The following BRAF variants were observed in gnomAD, a reference collection of about 807,000 sequenced individuals.
BRAF encodes the protein serine/threonine-protein kinase B-raf.
BRAF carries 16 observed loss-of-function variants against 104.6 expected under a neutral mutation model. The ratio of observed to expected loss-of-function variants is 0.15; its 90% CI spans 0.10 to 0.23. The LOEUF (loss-of-function observed/expected upper bound fraction) is 0.23, where lower values mean the gene tolerates loss of function less well. Ranked by LOEUF, BRAF falls within the 10% of genes least tolerant of loss-of-function variation. BRAF has a pLI of 1.00. For missense variants in BRAF, 541 were observed against 937.3 expected (o/e 0.58, Z 5.52); for synonymous variants, 310 against 341.6 (o/e 0.91, Z 1.02).
At chr7:140,899,148 A>G (rs1032644369) in intron 1 of BRAF, among the ~76,000 whole-genome samples, 1 of 152,180 alleles carries the variant, frequency 6.6e-6, no homozygotes, top group African/African-American at 2.4e-5. Context: ...CTCTATGTCT[A>G]AAGCAATGGC....
chr7:140,764,063 A>T (rs1332737497), intron 14 of BRAF, among the ~76,000 whole-genome samples: 1 of 152,240 alleles, frequency 6.6e-6, no homozygotes, highest in Admixed American at 6.5e-5. Context: ...GTACTGGCAA[A>T]CCGAATCCAG....
chr7:140,809,698 GA>G (rs1804026019), intron 3 of BRAF, among the ~76,000 whole-genome samples: 1 of 152,178 alleles, frequency 6.6e-6, no homozygotes, highest in Admixed American at 6.5e-5. Flanking sequence ...CACTGACAGA[GA>G]AAAGTCCTTG....
At position 140,765,484 on chromosome 7, in the gene BRAF, A is replaced by G. The variant is rs1799215949; in HGVS notation, c.1815-11251T>C. Among the ~76,000 whole-genome samples, 3 of 152,340 alleles carry G rather than the reference A, an allele frequency of 2.0e-5. No homozygotes were observed. The South Asian group carries it at 6.2e-4, about 32-fold the overall frequency. Reference sequence around the variant, plus strand: ...TAAACTAAAGAGCTTCTGCACAGCAAAAGAAACTACCATCAGAGTGAACAG... The same window carrying G: ...TAAACTAAAGAGCTTCTGCACAGCAGAAGAAACTACCATCAGAGTGAACAG... On this transcript the variant is annotated intron_variant, in intron 14 of 19. Coordinates refer to ENST00000644969, the MANE Select transcript of BRAF (RefSeq NM_001374258.1).
intron 19 of BRAF, chr7:140,732,169 TCAAAAAAAAAAAAAAAAAAAAAA>T (rs1230199684): frequency 4.0e-4 from 2 of 5,042 alleles, no homozygotes; most frequent in African/African-American, 4.7e-4. Flanking sequence ...AGACTCTGTC[TCAAAAAAAAAAAAAAAAAAAAAA>T]AAAAAAAAAA....
chr7:140,891,427 AT>A (rs1366843203), intron 1 of BRAF, among the ~76,000 whole-genome samples: 1 of 152,216 alleles, frequency 6.6e-6, no homozygotes, highest in Non-Finnish European at 1.5e-5. Flanking sequence ...TCATCTTTAG[AT>A]TACTTATAAT....
Position 140,737,419 on chromosome 7 carries a change from T to C in BRAF, c.2247+2393A>G, listed in dbSNP as rs139227837. 3.4e-3 allele frequency among the ~76,000 whole-genome samples: 524 copies of C among 152,338 alleles called. 3 individuals are homozygous for C. The highest frequency in any genetic ancestry group is 0.012 in the African/African-American group (502 of 41,576). ...TGTCTTTGCATTTTACTGACTGCCA[T>C]GGAAATATTTACACCTTTTCCTAAG... On this transcript the variant is annotated intron_variant, in intron 18 of 19. Transcript: ENST00000644969.
At chr7:140,731,548 A>T (rs1795962825) in intron 19 of BRAF, 1 of 152,222 alleles carries the variant, frequency 6.6e-6, no homozygotes, top group African/African-American at 2.4e-5. Context: ...ACTAAGAGTG[A>T]CTCACTTGAG....
At chr7:140,830,437 T>C (rs1806600917) in intron 3 of BRAF, among the ~76,000 whole-genome samples, 1 of 152,206 alleles carries the variant, frequency 6.6e-6, no homozygotes, top group Non-Finnish European at 1.5e-5. Flanking sequence ...ACTCTTGTAA[T>C]TTCCTGAGTG....
intron 14 of BRAF, chr7:140,773,523 T>C (rs1382844764): frequency 6.6e-6 from 1 of 152,098 alleles, no homozygotes; most frequent in Non-Finnish European, 1.5e-5. Context: ...AATCCCCATG[T>C]TTTGGGAAAG....
Position 140,720,114 on chromosome 7 carries a change from GATGA to G in BRAF, c.*6376_*6379del. 2 of 1,060,880 alleles carry G rather than the reference GATGA, an allele frequency of 1.9e-6. No homozygotes were observed. Among genetic ancestry groups the G allele is most frequent in the Non-Finnish European group, 2.3e-6 (2 of 876,532 alleles). The allele number at this position is 1,060,880 out of a possible 1,614,324, so 65.7% of individuals were successfully genotyped here. A position where few individuals can be genotyped will look rare whatever the true frequency, so the allele number is the denominator to read the frequency against. On this transcript the variant is annotated 3_prime_UTR_variant, in exon 20 of 20. Coordinates refer to ENST00000644969, the MANE Select transcript of BRAF (RefSeq NM_001374258.1). The stretch of plus-strand genomic sequence containing the variant: ...TGAATAAAATTCAGAGACACATGTT[GATGA>G]ATGATCAAATTCAATCCCCTGATCA...
rs1795598687 is a variant in BRAF at position 140,726,389 on chromosome 7, T to G, written c.*105A>C. 6.6e-7 allele frequency: 1 copy of G among 1,509,228 alleles called. No homozygotes were observed. Among genetic ancestry groups the G allele is most frequent in the Admixed American group, 2.3e-5 (1 of 44,374 alleles). 93.5% of individuals were successfully genotyped at this position (1,509,228 alleles called of 1,614,324 possible). On this transcript the variant is annotated 3_prime_UTR_variant, in exon 20 of 20. Transcript: ENST00000644969. ...ACATCAGCTTATGCATTGGAAATTT[T>G]GTATCTTTAAAAAAAGATTTGAGGA...
chr7:140,896,153 T>C (rs544545544), intron 1 of BRAF, among the ~76,000 whole-genome samples: 168 of 152,280 alleles, frequency 1.1e-3, no homozygotes, highest in African/African-American at 3.8e-3. Flanking sequence ...TACAGTTTTA[T>C]AGCAGCCATC....
chr7:140,805,264 T>C (rs1010891342), intron 5 of BRAF, among the ~76,000 whole-genome samples: 1 of 152,236 alleles, frequency 6.6e-6, no homozygotes, highest in Non-Finnish European at 1.5e-5. Flanking sequence ...TTTTTTCCTA[T>C]GTATCACTTT....
At chr7:140,821,164 T>A (rs1269326536) in intron 3 of BRAF, among the ~76,000 whole-genome samples, 1 of 152,104 alleles carries the variant, frequency 6.6e-6, no homozygotes, top group Non-Finnish European at 1.5e-5. Context: ...GCTAATTTTT[T>A]GTAGAGACAG....
At chr7:140,894,032 G>A (rs1394332288) in intron 1 of BRAF, among the ~76,000 whole-genome samples, 1 of 152,076 alleles carries the variant, frequency 6.6e-6, no homozygotes, top group African/African-American at 2.4e-5. Context: ...TAATTGAGAG[G>A]CCGAGATGGG....
At chr7:140,714,131 G>A in the BRAF span, among the ~76,000 whole-genome samples, 1 of 152,156 alleles carries the variant, frequency 6.6e-6, no homozygotes, top group Non-Finnish European at 1.5e-5. Context: ...TCTCTTCAAA[G>A]CTCAGTTGGA....
intron 3 of BRAF, among the ~76,000 whole-genome samples, chr7:140,826,892 C>T (rs1478138887): frequency 6.6e-6 from 1 of 152,118 alleles, no homozygotes; most frequent in Non-Finnish European, 1.5e-5. Flanking sequence ...ATGATTCTTC[C>T]CCCCTCAGGA....
At chr7:140,921,785 C>A (rs1201254894) in intron 1 of BRAF, among the ~76,000 whole-genome samples, 10 of 140,620 alleles carry the variant, frequency 7.1e-5, no homozygotes, top group Admixed American at 6.8e-4. Context: ...AAATTTCCCT[C>A]TGGGAAACTT....
At chr7:140,735,290 T>G (rs1796312662) in intron 18 of BRAF, among the ~76,000 whole-genome samples, 1 of 152,214 alleles carries the variant, frequency 6.6e-6, no homozygotes, top group Non-Finnish European at 1.5e-5. Flanking sequence ...CCCAGAGTGC[T>G]AGTAGCACAT....
Sources: gnomAD v4.1 joint callset for allele counts (sites outside exome capture counted in the v4.1 genomes callset) on GRCh38, gnomAD v4.1.1 for gene constraint, MANE v1.5 for transcripts, NCBI Gene and HGNC (gene_info 2026-07-23, HGNC 2026-07-21) for gene names.